The following RAB3GAP2 variants were observed in gnomAD, a reference collection of about 807,000 sequenced individuals.
RAB3GAP2 encodes the protein RAB3 GTPase activating non-catalytic protein subunit 2, also known as rab3 GTPase-activating protein non-catalytic subunit.
A neutral mutation model predicts 185.3 loss-of-function variants in RAB3GAP2; 87 were observed. That is an observed-to-expected ratio of 0.47 (90% CI 0.39 to 0.56). The LOEUF is 0.56. Ranked by LOEUF, RAB3GAP2 falls within the 20% of genes least tolerant of loss-of-function variation. RAB3GAP2 has a pLI of 0.00. For missense variants in RAB3GAP2, 1,492 were observed against 1,638.2 expected (o/e 0.91, Z 1.54); for synonymous variants, 554 against 576.1 (o/e 0.96, Z 0.55).
intron 21 of RAB3GAP2, among the ~76,000 whole-genome samples, chr1:220,180,034 T>A (rs1379937551): frequency 6.6e-6 from 1 of 152,026 alleles, no homozygotes; most frequent in African/African-American, 2.4e-5. Context: ...TGGTGGCGCA[T>A]GCCTGTAGTC....
At chr1:220,154,169 T>TTA in intron 31 of RAB3GAP2, 112 bp from the exon 32 acceptor site, 1 of 1,429,938 alleles carries the variant, frequency 7.0e-7, no homozygotes, top group Non-Finnish European at 9.4e-7. Context: ...TATTTCTCCT[T>TTA]GAACAGTAAG....
chr1:220,242,064 T>A (rs546590522), intron 1 of RAB3GAP2, among the ~76,000 whole-genome samples: 1 of 152,112 alleles, frequency 6.6e-6, no homozygotes, highest in Non-Finnish European at 1.5e-5. Context: ...AGAAATCTCC[T>A]TATATTTAAA....
intron 10 of RAB3GAP2, 149 bp from the exon 11 acceptor site, chr1:220,195,526 A>T: frequency 1.4e-6 from 1 of 706,512 alleles, no homozygotes; most frequent in East Asian, 2.6e-5. Flanking sequence ...TAAAAAGTTT[A>T]TTTTAGGCGT....
chr1:220,240,920 C>T (rs1659685485), intron 1 of RAB3GAP2, among the ~76,000 whole-genome samples: 1 of 152,086 alleles, frequency 6.6e-6, no homozygotes, highest in African/African-American at 2.4e-5. Flanking sequence ...AATGTAACCA[C>T]AATTCCCTTC....
intron 9 of RAB3GAP2, among the ~76,000 whole-genome samples, chr1:220,197,698 T>A (rs1028356328): frequency 1.3e-5 from 2 of 152,176 alleles, no homozygotes; most frequent in African/African-American, 4.8e-5. Flanking sequence ...CAGCTTCTTT[T>A]TAAACTCCCA....
At chr1:220,209,001 G>C (rs1309410621) in intron 7 of RAB3GAP2, among the ~76,000 whole-genome samples, 3 of 152,158 alleles carry the variant, frequency 2.0e-5, no homozygotes, top group Admixed American at 6.5e-5. Context: ...ACAGGTGTCA[G>C]CCACCGTGCC....
intron 1 of RAB3GAP2, among the ~76,000 whole-genome samples, chr1:220,239,186 GACTT>G (rs1659646857): frequency 6.6e-6 from 1 of 152,048 alleles, no homozygotes; most frequent in African/African-American, 2.4e-5. Flanking sequence ...TATATATACA[GACTT>G]ATATTCAGGA....
Position 220,193,300 on chromosome 1 carries a change from C to A in RAB3GAP2, c.1210G>T (p.Asp404Tyr). Residue 404 changes from aspartate (D) to tyrosine (Y), a missense_variant, in exon 13 of 35, where the codon GAT becomes TAT. This residue lies in a region of RAB3GAP2 where 681 missense variants were observed against 689.1 expected (regional missense o/e 0.99). Coordinates refer to ENST00000358951, the MANE Select transcript of RAB3GAP2 (RefSeq NM_012414.4). ...TCCAATAAAATAACTCTGCCGAAATCATCTGTTACTGCTGCCAGTGTGTTA... is the reference window on the plus strand; with the variant it reads ...TCCAATAAAATAACTCTGCCGAAATAATCTGTTACTGCTGCCAGTGTGTTA... Reference protein sequence around the residue: ...PCNTLAAVTDDFGRVILLDVA... With the variant: ...PCNTLAAVTDYFGRVILLDVA... 2 of 1,614,018 alleles carry A rather than the reference C, an allele frequency of 1.2e-6. No individual in the cohort carries two copies. Among genetic ancestry groups the A allele is most frequent in the Non-Finnish European group, 1.7e-6 (2 of 1,179,958 alleles).
chr1:220,245,292 C>G (rs2667963), intron 1 of RAB3GAP2, among the ~76,000 whole-genome samples: 1 of 152,206 alleles, frequency 6.6e-6, no homozygotes, highest in East Asian at 1.9e-4. Flanking sequence ...AGACAGTGGG[C>G]GCAGGCCAGT....
chr1:220,165,385 A>C (rs1279909626), intron 26 of RAB3GAP2, among the ~76,000 whole-genome samples: 1 of 151,934 alleles, frequency 6.6e-6, no homozygotes, highest in Non-Finnish European at 1.5e-5. Flanking sequence ...ATTAGATGGG[A>C]TGTTTGAAAT....
chr1:220,208,581 C>T (rs1165079709), intron 7 of RAB3GAP2, among the ~76,000 whole-genome samples: 6 of 152,214 alleles, frequency 3.9e-5, no homozygotes, highest in African/African-American at 1.4e-4. Context: ...ATAACATTTA[C>T]TGCCAATGTA....
intron 7 of RAB3GAP2, among the ~76,000 whole-genome samples, chr1:220,206,957 C>A (rs1043180069): frequency 3.3e-5 from 5 of 152,186 alleles, no homozygotes; most frequent in African/African-American, 1.2e-4. Context: ...ATTGGAATCA[C>A]CTTGATATCT....
chr1:220,260,920 A>C (rs1357660227), intron 1 of RAB3GAP2, among the ~76,000 whole-genome samples: 1 of 152,174 alleles, frequency 6.6e-6, no homozygotes, highest in Non-Finnish European at 1.5e-5. Flanking sequence ...ATTTTTTAAA[A>C]TTTAATTACT....
chr1:220,239,141 T>C (rs1262128617), intron 1 of RAB3GAP2, among the ~76,000 whole-genome samples: 1 of 152,130 alleles, frequency 6.6e-6, no homozygotes, highest in Non-Finnish European at 1.5e-5. Context: ...TCAAAAGAAA[T>C]ACAACAAATA....
At chr1:220,214,961 T>TATATATATATATATATATATATAA (rs1214143846) in intron 2 of RAB3GAP2, among the ~76,000 whole-genome samples, 31 of 143,064 alleles carry the variant, frequency 2.2e-4, no homozygotes, top group African/African-American at 7.7e-4. Context: ...TATATATATA[T>TATATATATATATATATATATATAA]ATATATATAT....
intron 1 of RAB3GAP2, among the ~76,000 whole-genome samples, chr1:220,262,350 CAACTT>C (rs1460201691): frequency 6.6e-6 from 1 of 151,928 alleles, no homozygotes; most frequent in Non-Finnish European, 1.5e-5. Flanking sequence ...TAAAATTTAT[CAACTT>C]AACCATTTCT....
At chr1:220,182,392 A>G in intron 20 of RAB3GAP2, 38 bp from the exon 21 acceptor site, 2 of 1,612,592 alleles carry the variant, frequency 1.2e-6, no homozygotes, top group Non-Finnish European at 1.7e-6. Flanking sequence ...ATCAATGACT[A>G]CTTACCATTT....
At chr1:220,269,826 TAGA>T (rs775420928) in intron 1 of RAB3GAP2, among the ~76,000 whole-genome samples, 52 of 152,286 alleles carry the variant, frequency 3.4e-4, no homozygotes, top group African/African-American at 6.5e-4. Context: ...GAAGAATTGC[TAGA>T]AGAAGACACA....
At chr1:220,160,666 C>T (rs1390125294) in intron 28 of RAB3GAP2, among the ~76,000 whole-genome samples, 1 of 152,228 alleles carries the variant, frequency 6.6e-6, no homozygotes, top group African/African-American at 2.4e-5. Flanking sequence ...CTGAATCCAA[C>T]AAGTTGCCTC....
Sources: allele counts gnomAD v4.1 joint callset (sites outside exome capture counted in the v4.1 genomes callset), GRCh38; gene constraint gnomAD v4.1.1; regional missense constraint gnomAD v4.1.1; transcripts MANE v1.5; gene names NCBI Gene and HGNC (gene_info 2026-07-23, HGNC 2026-07-21).